UXS1: variants seen among roughly 807,000 people sequenced by gnomAD.
The protein encoded by UXS1 is UDP-glucuronate decarboxylase 1.
A neutral mutation model predicts 62.6 loss-of-function variants in UXS1; 33 were observed. The observed-to-expected ratio is 0.53, with a 90% CI of 0.40 to 0.70. The LOEUF (loss-of-function observed/expected upper bound fraction) is 0.70, where lower values mean the gene tolerates loss of function less well. Ranked by LOEUF, UXS1 falls within the 30% of genes least tolerant of loss-of-function variation. UXS1 has a pLI of 0.00. For missense variants in UXS1, 434 were observed against 556.3 expected (o/e 0.78, Z 2.21); for synonymous variants, 213 against 206.8 (o/e 1.03, Z -0.26).
At chr2:106,187,890 G>A (rs1684673171) in intron 1 of UXS1, among the ~76,000 whole-genome samples, 1 of 152,008 alleles carries the variant, frequency 6.6e-6, no homozygotes, top group Admixed American at 6.5e-5. Context: ...ACAGGCGCCC[G>A]CCACCATGCC....
chr2:106,144,367 G>C (rs556410122), intron 6 of UXS1, among the ~76,000 whole-genome samples: 1 of 152,312 alleles, frequency 6.6e-6, no homozygotes, highest in South Asian at 2.1e-4. Flanking sequence ...GGAACGGTTA[G>C]AGCAGAAAGA....
chr2:106,127,263 T>C (rs931010565), intron 7 of UXS1, among the ~76,000 whole-genome samples: 11 of 152,296 alleles, frequency 7.2e-5, no homozygotes, highest in African/African-American at 2.6e-4. Context: ...TGCCCAAGAA[T>C]ACAATTACTG....
At chr2:106,094,446 T>G (rs1676916818) in intron 14 of UXS1, among the ~76,000 whole-genome samples, 1 of 152,140 alleles carries the variant, frequency 6.6e-6, no homozygotes, top group Non-Finnish European at 1.5e-5. Flanking sequence ...CCCGACTACC[T>G]CTTGCTGGTA....
chr2:106,129,856 T>C, intron 6 of UXS1, 78 bp from the exon 7 acceptor site: 3 of 794,552 alleles, frequency 3.8e-6, no homozygotes, highest in South Asian at 3.9e-5. Flanking sequence ...ATATACTGTA[T>C]AATAAACGTA....
At chr2:106,169,245 A>G (rs145164162) in intron 1 of UXS1, among the ~76,000 whole-genome samples, 1 of 152,180 alleles carries the variant, frequency 6.6e-6, no homozygotes, top group Non-Finnish European at 1.5e-5. Context: ...CTACAGGATT[A>G]AGCTGCTTTA....
chr2:106,112,384 C>T (rs927848834), intron 10 of UXS1, among the ~76,000 whole-genome samples: 2 of 152,224 alleles, frequency 1.3e-5, no homozygotes, highest in Non-Finnish European at 2.9e-5. Flanking sequence ...CTTCACAGGC[C>T]GGCTGGTACA....
chr2:106,145,279 G>A lies in UXS1; in HGVS notation c.383C>T (p.Thr128Met), dbSNP rs1327555218. ...GTGCTCCACGTTTCTCTTCCTGCCC[G>A]TGAAGAAATTGTCCACCACGGTCAC... is the stretch of plus-strand genomic sequence containing the variant. ...HEVTVVDNFF[T>M]GRKRNVEHWI... The change falls in exon 6 of 15, where the codon ACG becomes ATG. Residue 128 changes from threonine (T) to methionine (M), a missense_variant. By Grantham distance (81) the Thr-to-Met change is moderately conservative. Around this residue, in one of 3 missense-constraint regions of UXS1, gnomAD observed 134 missense variants for 251.9 expected, o/e 0.53. Coordinates refer to ENST00000283148, the MANE Select transcript of UXS1 (RefSeq NM_001253875.2). 5 of 1,613,822 alleles carry A rather than the reference G, an allele frequency of 3.1e-6. No homozygotes were observed. The highest frequency in any genetic ancestry group is 3.4e-6 in the Non-Finnish European group (4 of 1,179,886).
At chr2:106,142,163 T>TGC (rs1681163033) in intron 6 of UXS1, among the ~76,000 whole-genome samples, 1 of 152,198 alleles carries the variant, frequency 6.6e-6, no homozygotes, top group South Asian at 2.1e-4. Flanking sequence ...TGAGCCACCA[T>TGC]GCCCAGCCAA....
At chr2:106,188,995 G>T (rs1400258121) in intron 1 of UXS1, among the ~76,000 whole-genome samples, 1 of 152,070 alleles carries the variant, frequency 6.6e-6, no homozygotes, top group Non-Finnish European at 1.5e-5. Context: ...AAAATCACTA[G>T]AAGAGTCTAA....
intron 6 of UXS1, among the ~76,000 whole-genome samples, chr2:106,136,355 G>A (rs1394196600): frequency 2.0e-5 from 3 of 148,934 alleles, no homozygotes; most frequent in African/African-American, 5.0e-5. Context: ...TCAGTGTGGC[G>A]ATTCCTCAGG....
At chr2:106,136,848 C>T (rs1680675339) in intron 6 of UXS1, among the ~76,000 whole-genome samples, 1 of 113,026 alleles carries the variant, frequency 8.8e-6, no homozygotes, top group Non-Finnish European at 1.8e-5. Context: ...ACCAGCATGG[C>T]ACATGTATAC....
Position 106,187,501 on chromosome 2 carries a change from A to C in UXS1, c.94+6647T>G, listed in dbSNP as rs553408228. 9.2e-4 allele frequency among the ~76,000 whole-genome samples: 140 copies of C among 152,316 alleles called. 1 individual carries two copies. The highest frequency in any genetic ancestry group is 4.6e-3 in the South Asian group (22 of 4,828). On this transcript the variant is annotated intron_variant, in intron 1 of 14. Transcript: ENST00000283148. ...TGTGGGAGCTGATTATATTAAGGGC[A>C]AAACTGTACCGTAACCAAAGTCCCA...
chr2:106,156,077 A>G (rs1253417524), intron 5 of UXS1, among the ~76,000 whole-genome samples: 1 of 152,226 alleles, frequency 6.6e-6, no homozygotes, highest in African/African-American at 2.4e-5. Context: ...TGTGCTTCAA[A>G]GAATGTCATC....
At chr2:106,145,816 CTTAATA>C (rs1275787650) in intron 5 of UXS1, among the ~76,000 whole-genome samples, 2 of 151,990 alleles carry the variant, frequency 1.3e-5, no homozygotes, top group Admixed American at 1.3e-4. Flanking sequence ...GAAAAAAAAA[CTTAATA>C]TTTAAGTTAG....
At chr2:106,124,192 T>C (rs1412813976) in intron 8 of UXS1, among the ~76,000 whole-genome samples, 4 of 152,222 alleles carry the variant, frequency 2.6e-5, no homozygotes, top group Admixed American at 2.6e-4. Context: ...ATGTACCAGA[T>C]GATTGATCCC....
chr2:106,166,198 T>TA lies in UXS1; in HGVS notation c.95-116dup. 2.9e-6 allele frequency: 3 copies of TA among 1,018,786 alleles called. 1 individual carries two copies. The Admixed American group carries it at 8.3e-5, about 28-fold the overall frequency. 63.1% of individuals were successfully genotyped at this position (1,018,786 alleles called of 1,614,324 possible). ...TTAAATTTTACAAAGAAAATTAACT[T>TA]ACGAAGACAACAAAATGCATACTTT... On this transcript the variant is annotated intron_variant, in intron 1 of 14. Transcript: ENST00000283148.
chr2:106,121,959 G>A (rs1170728529), intron 9 of UXS1, among the ~76,000 whole-genome samples: 1 of 152,156 alleles, frequency 6.6e-6, no homozygotes, highest in Non-Finnish European at 1.5e-5. Flanking sequence ...CCTGGCCCTT[G>A]GCACATGCTT....
chr2:106,114,379 GA>G (rs1284634984), intron 9 of UXS1, among the ~76,000 whole-genome samples: 2 of 152,128 alleles, frequency 1.3e-5, no homozygotes, highest in Non-Finnish European at 2.9e-5. Context: ...TTTCTCCACC[GA>G]ACTAATGAGT....
intron 5 of UXS1, among the ~76,000 whole-genome samples, chr2:106,155,769 G>A (rs893604245): frequency 6.6e-6 from 1 of 152,084 alleles, no homozygotes; most frequent in East Asian, 1.9e-4. Context: ...GTACATTTAC[G>A]GTAAAATTAT....
Sources: gnomAD v4.1 joint callset for allele counts (sites outside exome capture counted in the v4.1 genomes callset) on GRCh38, gnomAD v4.1.1 for gene constraint, gnomAD v4.1.1 regional missense constraint, MANE v1.5 for transcripts, NCBI Gene and HGNC (gene_info 2026-07-23, HGNC 2026-07-21) for gene names.